The following TTC13 variants were observed in gnomAD, a reference collection of about 807,000 sequenced individuals.
TTC13 encodes tetratricopeptide repeat domain 13, also known as tetratricopeptide repeat protein 13.
A neutral mutation model predicts 120.0 loss-of-function variants in TTC13; 62 were observed. That is an observed-to-expected ratio of 0.52 (90% CI 0.42 to 0.64). TTC13 has a LOEUF of 0.64. Ranked by LOEUF, TTC13 falls within the 30% of genes least tolerant of loss-of-function variation. The probability of loss-of-function intolerance (pLI) is 0.00; values close to 1 mark genes in which losing one functional copy is unlikely to be tolerated. For synonymous variants in TTC13, 384 were observed against 393.5 expected (o/e 0.98, Z 0.28); for missense variants, 824 against 1,050.2 (o/e 0.78, Z 2.98).
At chr1:230,960,173 A>G (rs929179089) in intron 2 of TTC13, among the ~76,000 whole-genome samples, 4 of 152,248 alleles carry the variant, frequency 2.6e-5, no homozygotes, top group African/African-American at 9.6e-5. Context: ...ATGGATCAAT[A>G]AATGAATAGT....
rs753576527 is a variant in TTC13 at position 230,908,987 on chromosome 1, C to T, written c.2343G>A (p.Leu781=). The T allele has an allele frequency of 3.1e-6, 5 of 1,614,118 alleles. No individual in the cohort carries two copies. In the South Asian group the frequency reaches 5.5e-5, roughly 18 times the overall value. Residue 781 remains leucine, a synonymous_variant, in exon 21 of 23, where the codon CTG becomes CTA. Transcript: ENST00000366661. ...VIAYSVIVGA[L]MASGKEVAGK... Reference sequence around the variant, plus strand: ...CTGCTACTTCTTTTCCACTTGCCATCAGTGCTCCCACGATGACCGAGTAAG... The same window carrying T: ...CTGCTACTTCTTTTCCACTTGCCATTAGTGCTCCCACGATGACCGAGTAAG...
chr1:230,935,682 C>A (rs999773137), intron 8 of TTC13, among the ~76,000 whole-genome samples: 2 of 152,052 alleles, frequency 1.3e-5, no homozygotes, highest in Non-Finnish European at 2.9e-5. Flanking sequence ...GCAGTGAGGA[C>A]TGGGGGGCTT....
intron 4 of TTC13, among the ~76,000 whole-genome samples, chr1:230,951,199 T>A (rs576943882): frequency 2.1e-4 from 32 of 152,300 alleles, no homozygotes; most frequent in Middle Eastern, 3.4e-3. Flanking sequence ...TATCAAAAAG[T>A]CATTCTGGAG....
In TTC13 at chr1:230,928,980, T is replaced by G; in HGVS notation, c.1414A>C (p.Ile472Leu). ...DHWAKNLPFL[I>L]EDYEEQPGLQ... The stretch of plus-strand genomic sequence containing the variant: ...CCTGGCTGCTCTTCGTAGTCTTCTA[T>G]GAGGAAAGGCAAATTTTTAGCCCAG... The change falls in exon 12 of 23, where the codon ATA becomes CTA. Residue 472 changes from isoleucine (I) to leucine (L), a missense_variant. Ile to Leu is a conservative substitution (Grantham distance 5). This residue lies in a region of TTC13 where 430 missense variants were observed against 626.8 expected (regional missense o/e 0.69). Transcript: ENST00000366661. The G allele has an allele frequency of 6.2e-7, 1 of 1,614,200 alleles. No individual in the cohort carries two copies. The highest frequency in any genetic ancestry group is 8.5e-7 in the Non-Finnish European group (1 of 1,180,030).
intron 4 of TTC13, among the ~76,000 whole-genome samples, chr1:230,947,904 C>A (rs1452156377): frequency 2.6e-5 from 4 of 152,122 alleles, no homozygotes; most frequent in African/African-American, 7.2e-5. Context: ...AGGTCACACA[C>A]CCCTCACCAA....
chr1:230,932,419 G>T (rs1026678323), intron 9 of TTC13, among the ~76,000 whole-genome samples: 2 of 151,888 alleles, frequency 1.3e-5, no homozygotes, highest in African/African-American at 4.8e-5. Context: ...GGAAATGGTT[G>T]TTATGGATCA....
intron 3 of TTC13, 36 bp from the exon 4 acceptor site, chr1:230,954,439 A>G: frequency 6.6e-7 from 1 of 1,505,702 alleles, no homozygotes; most frequent in Non-Finnish European, 9.2e-7. Context: ...AAAGGAAAGA[A>G]TAAAGTAGTT....
At chr1:230,973,645 G>A (rs1261050161) in intron 1 of TTC13, among the ~76,000 whole-genome samples, 1 of 152,158 alleles carries the variant, frequency 6.6e-6, no homozygotes, top group Admixed American at 6.5e-5. Context: ...AAGGCGAGAG[G>A]AGAAAACAAA....
Position 230,963,924 on chromosome 1 carries a change from A to G in TTC13, c.272-2621T>C, listed in dbSNP as rs553575469. Among the ~76,000 whole-genome samples the G allele has an allele frequency of 7.9e-5, 12 of 152,312 alleles. No homozygotes were observed. In the South Asian group the frequency reaches 2.5e-3, roughly 32 times the overall value. On this transcript the variant is annotated intron_variant, in intron 1 of 22. Transcript: ENST00000366661. ...AAAGGCTTTAGTCCCACAAAAATGA[A>G]GATAGTAATGGTTCCTGGCAGATGG...
At position 230,938,082 on chromosome 1, in the gene TTC13, C is replaced by T. The variant is rs527240615; in HGVS notation, c.900+1304G>A. ...CCCCACAACCCAAATATATGTATGTCAGATCCTCAAACCTCTTTCAATAAT... is the reference window on the plus strand; with the variant it reads ...CCCCACAACCCAAATATATGTATGTTAGATCCTCAAACCTCTTTCAATAAT... On this transcript the variant is annotated intron_variant, in intron 8 of 22. Coordinates refer to ENST00000366661, the MANE Select transcript of TTC13 (RefSeq NM_024525.5). Among the ~76,000 whole-genome samples, 21 of 152,366 alleles carry T rather than the reference C, an allele frequency of 1.4e-4. 1 individual carries two copies. Among genetic ancestry groups the T allele is most frequent in the African/African-American group, 5.0e-4 (21 of 41,592 alleles).
At position 230,931,827 on chromosome 1, in the gene TTC13, A is replaced by G; in HGVS notation, c.1034T>C (p.Leu345Ser). The change falls in exon 10 of 23, where the codon TTG becomes TCG. Residue 345 changes from leucine (L) to serine (S), a missense_variant. Coordinates refer to ENST00000366661, the MANE Select transcript of TTC13 (RefSeq NM_024525.5). ...AATESFQKAL[L>S]LNQNHVQTLQ... ...GGTTTGCACATGATTTTGGTTGAGCAACAGTGCCTTTTGAAAGCTCTCAGT... is the reference window on the plus strand; with the variant it reads ...GGTTTGCACATGATTTTGGTTGAGCGACAGTGCCTTTTGAAAGCTCTCAGT... 6.2e-7 allele frequency: 1 copy of G among 1,614,230 alleles called. No individual in the cohort carries two copies. Among genetic ancestry groups the G allele is most frequent in the Non-Finnish European group, 8.5e-7 (1 of 1,180,034 alleles).
rs566139303 is a variant in TTC13, at chr1:230,943,182, ATG to A, written c.672+622_672+623del. ...TGTGTTATATTTTTCAATGAATATT[ATG>A]TGTTATATTTTTCAATGAATATTAT... On this transcript the variant is annotated intron_variant, in intron 6 of 22. Coordinates refer to ENST00000366661, the MANE Select transcript of TTC13 (RefSeq NM_024525.5). Among the ~76,000 whole-genome samples the A allele has an allele frequency of 2.1e-4, 32 of 152,094 alleles. No individual in the cohort carries two copies. In the East Asian group the frequency reaches 5.8e-3, roughly 28 times the overall value.
intron 18 of TTC13, among the ~76,000 whole-genome samples, chr1:230,914,825 C>T (rs1296606719): frequency 6.6e-6 from 1 of 152,106 alleles, no homozygotes; most frequent in African/African-American, 2.4e-5. Context: ...CAACAGTAGG[C>T]TATTAAGTTT....
chr1:230,909,846 T>C (rs1019366307), intron 20 of TTC13, among the ~76,000 whole-genome samples: 1 of 152,144 alleles, frequency 6.6e-6, no homozygotes, highest in Non-Finnish European at 1.5e-5. Flanking sequence ...GGGCAAGGTC[T>C]GCTGCCCTGT....
chr1:230,961,658 G>A (rs1247017106), intron 1 of TTC13, among the ~76,000 whole-genome samples: 5 of 152,166 alleles, frequency 3.3e-5, no homozygotes, highest in African/African-American at 7.2e-5. Flanking sequence ...AACCATTAGT[G>A]ATGTTCCTCA....
At chr1:230,961,076 G>T (rs1286262165) in intron 2 of TTC13, 133 bp downstream of exon 2, 1 of 604,798 alleles carries the variant, frequency 1.7e-6, no homozygotes, top group Non-Finnish European at 2.9e-6. Context: ...AATACCAGAC[G>T]ACCTATCTTT....
chr1:230,962,300 A>G (rs1392615700), intron 1 of TTC13, among the ~76,000 whole-genome samples: 2 of 152,198 alleles, frequency 1.3e-5, no homozygotes, highest in Non-Finnish European at 2.9e-5. Context: ...CAATTTTAAA[A>G]ACAGGCAAAG....
intron 4 of TTC13, among the ~76,000 whole-genome samples, chr1:230,948,638 C>T (rs895259205): frequency 1.1e-4 from 17 of 151,976 alleles, no homozygotes; most frequent in African/African-American, 3.1e-4. Context: ...TAGGAGTGCA[C>T]GATCACACCA....
intron 11 of TTC13, among the ~76,000 whole-genome samples, chr1:230,930,524 T>C (rs1228714437): frequency 6.6e-6 from 1 of 152,160 alleles, no homozygotes; most frequent in African/African-American, 2.4e-5. Flanking sequence ...AATAAAAGGG[T>C]AACTGCAAGA....
Sources: gnomAD v4.1 joint callset for allele counts (sites outside exome capture counted in the v4.1 genomes callset) on GRCh38, gnomAD v4.1.1 for gene constraint, gnomAD v4.1.1 regional missense constraint, MANE v1.5 for transcripts, NCBI Gene and HGNC (gene_info 2026-07-23, HGNC 2026-07-21) for gene names.